The following ANO3 variants were observed in gnomAD, a reference collection of about 807,000 sequenced individuals.
The protein encoded by ANO3 is anoctamin-3.
A neutral mutation model predicts 144.8 loss-of-function variants in ANO3; 99 were observed. That is an observed-to-expected ratio of 0.68 (90% CI 0.58 to 0.81). The LOEUF (loss-of-function observed/expected upper bound fraction) is 0.81. Ranked by LOEUF, ANO3 falls within the 30% of genes least tolerant of loss-of-function variation. The probability of loss-of-function intolerance (pLI) is 0.00; values close to 1 mark genes in which losing one functional copy is unlikely to be tolerated. For synonymous variants in ANO3, 414 were observed against 392.6 expected (o/e 1.05, Z -0.64); for missense variants, 905 against 1,202.2 (o/e 0.75, Z 3.66).
At chr11:26,537,631 C>T (rs911337578) in intron 10 of ANO3, among the ~76,000 whole-genome samples, 170 bp downstream of exon 10, 2 of 152,176 alleles carry the variant, frequency 1.3e-5, no homozygotes, top group Non-Finnish European at 2.9e-5. Flanking sequence ...ACTGGCTCCT[C>T]TGCCTCAAAG....
chr11:26,451,621 G>A (rs1858944148), intron 3 of ANO3, among the ~76,000 whole-genome samples: 2 of 152,192 alleles, frequency 1.3e-5, no homozygotes, highest in African/African-American at 4.8e-5. Flanking sequence ...GCTCAAGGAG[G>A]CCTGCCTGCC....
intron 3 of ANO3, among the ~76,000 whole-genome samples, chr11:26,452,363 A>C (rs904342344): frequency 6.6e-6 from 1 of 152,174 alleles, no homozygotes; most frequent in African/African-American, 2.4e-5. Context: ...AACTAGAATA[A>C]CCAATACAGA....
upstream of ANO3, among the ~76,000 whole-genome samples, chr11:26,329,295 T>TACACACAC (rs201501181): frequency 8.2e-3 from 1,190 of 144,920 alleles, 8 homozygotes; most frequent in East Asian, 0.053. Flanking sequence ...TTTCTTTCTT[T>TACACACAC]ACACACACAC....
intron 14 of ANO3, among the ~76,000 whole-genome samples, chr11:26,590,158 G>T (rs1386360096): frequency 6.6e-6 from 1 of 152,160 alleles, no homozygotes; most frequent in African/African-American, 2.4e-5. Flanking sequence ...AACAAACCCA[G>T]ATGTCTGCTT....
intron 1 of ANO3, among the ~76,000 whole-genome samples, chr11:26,386,136 G>A (rs1320146425): frequency 1.3e-5 from 2 of 152,074 alleles, no homozygotes; most frequent in African/African-American, 4.8e-5. Context: ...GCTACGAAGT[G>A]AGAATATATT....
intron 1 of ANO3, among the ~76,000 whole-genome samples, chr11:26,366,633 G>T (rs1163100254): frequency 6.6e-6 from 1 of 152,004 alleles, no homozygotes; most frequent in Non-Finnish European, 1.5e-5. Context: ...ATCGTCTCCA[G>T]CACCTGTTGT....
intron 10 of ANO3, among the ~76,000 whole-genome samples, chr11:26,539,425 G>C (rs1849590961): frequency 6.6e-6 from 1 of 151,982 alleles, no homozygotes; most frequent in Non-Finnish European, 1.5e-5. Flanking sequence ...TTATAGAGCA[G>C]AGTTAAAAAA....
chr11:26,647,015 A>G (rs1371895232), intron 23 of ANO3, among the ~76,000 whole-genome samples: 2 of 152,180 alleles, frequency 1.3e-5, no homozygotes, highest in Non-Finnish European at 2.9e-5. Context: ...GGCATGCTAC[A>G]TAATCACCTT....
chr11:26,342,962 T>C (rs2133902250), intron 1 of ANO3, among the ~76,000 whole-genome samples: 1 of 152,334 alleles, frequency 6.6e-6, no homozygotes, highest in East Asian at 1.9e-4. Flanking sequence ...AATTAAAATA[T>C]CTGTCACCTC....
chr11:26,389,037 C>T (rs1327958571), intron 1 of ANO3, among the ~76,000 whole-genome samples: 1 of 152,104 alleles, frequency 6.6e-6, no homozygotes, highest in Non-Finnish European at 1.5e-5. Context: ...CTTTGATATG[C>T]AAAATTCAAT....
upstream of ANO3, among the ~76,000 whole-genome samples, chr11:26,308,595 T>C (rs1854436627): frequency 6.6e-6 from 1 of 152,218 alleles, no homozygotes; most frequent in Admixed American, 6.5e-5. Flanking sequence ...ATATATCATG[T>C]ATCAATTGAA....
chr11:26,241,554 T>A (rs1852664870), intron 1 of ANO3, among the ~76,000 whole-genome samples: 1 of 152,196 alleles, frequency 6.6e-6, no homozygotes, highest in South Asian at 2.1e-4. Flanking sequence ...ATCTGACACA[T>A]TTCTGCCTTT....
At chr11:26,540,680 C>A (rs374908188) in intron 10 of ANO3, among the ~76,000 whole-genome samples, 25 of 152,070 alleles carry the variant, frequency 1.6e-4, no homozygotes, top group African/African-American at 5.8e-4. Context: ...ATGGGGCCAA[C>A]AAAGATATGA....
At chr11:26,317,921 T>C (rs897547924) in intron 1 of ANO3, among the ~76,000 whole-genome samples, 1 of 152,188 alleles carries the variant, frequency 6.6e-6, no homozygotes, top group African/African-American at 2.4e-5. Context: ...TTGAATACTA[T>C]GCATCCATAA....
chr11:26,195,659 T>A (rs924072430), intron 1 of ANO3, among the ~76,000 whole-genome samples: 3 of 152,168 alleles, frequency 2.0e-5, no homozygotes, highest in African/African-American at 7.2e-5. Context: ...TTGTCTCAGG[T>A]CACTCAGATA....
chr11:26,206,846 T>G (rs1482400677), intron 1 of ANO3, among the ~76,000 whole-genome samples: 1 of 152,220 alleles, frequency 6.6e-6, no homozygotes, highest in African/African-American at 2.4e-5. Flanking sequence ...CTGCGCCGTT[T>G]CAGTTTATTA....
At chr11:26,480,015 A>C (rs1194669112) in intron 4 of ANO3, among the ~76,000 whole-genome samples, 1 of 152,128 alleles carries the variant, frequency 6.6e-6, no homozygotes, top group Non-Finnish European at 1.5e-5. Context: ...AAAGATATAG[A>C]GTTTGGACTA....
At chr11:26,437,108 C>T (rs943997469) in intron 1 of ANO3, among the ~76,000 whole-genome samples, 18 of 152,134 alleles carry the variant, frequency 1.2e-4, no homozygotes, top group Admixed American at 3.3e-4. Flanking sequence ...GCCAGTGGGT[C>T]TTATCCTGCG....
intron 1 of ANO3, among the ~76,000 whole-genome samples, chr11:26,425,995 T>G (rs969992803): frequency 2.0e-5 from 3 of 152,152 alleles, no homozygotes; most frequent in Non-Finnish European, 4.4e-5. Flanking sequence ...CCGTGTAGTC[T>G]TAGTTTCTCC....
Sources: gnomAD v4.1 joint callset for allele counts (sites outside exome capture counted in the v4.1 genomes callset) on GRCh38, gnomAD v4.1.1 for gene constraint, MANE v1.5 for transcripts, NCBI Gene and HGNC (gene_info 2026-07-23, HGNC 2026-07-21) for gene names.